LARGE1: variants seen among roughly 807,000 people sequenced by gnomAD.
LARGE1 encodes LARGE xylosyl- and glucuronyltransferase 1.
LARGE1 carries 43 observed loss-of-function variants against 87.6 expected under a neutral mutation model. That is an observed-to-expected ratio of 0.49 (90% CI 0.38 to 0.63). The LOEUF is 0.63. Ranked by LOEUF, LARGE1 falls within the 30% of genes least tolerant of loss-of-function variation. The pLI, the probability that LARGE1 is intolerant of heterozygous loss-of-function variation, is 0.00. For synonymous variants in LARGE1, 434 were observed against 394.6 expected, an observed-to-expected ratio of 1.10 and a Z score of -1.18; for missense variants, 802 against 1,000.2, an observed-to-expected ratio of 0.80 and a Z score of 2.67.
the LARGE1 span, among the ~76,000 whole-genome samples, chr22:33,079,192 A>AT: frequency 1.9e-4 from 28 of 150,348 alleles, no homozygotes; most frequent in Non-Finnish European, 7.4e-5. Context: ...GGTGCCTGAC[A>AT]TAAGTCTCCA....
At chr22:33,137,977 G>A in the LARGE1 span, among the ~76,000 whole-genome samples, 1 of 152,164 alleles carries the variant, frequency 6.6e-6, no homozygotes, top group Admixed American at 6.5e-5. Flanking sequence ...GTCCCCAGTG[G>A]GGCTCCATCT....
intron 6 of LARGE1, among the ~76,000 whole-genome samples, chr22:33,487,713 A>C (rs2069648001): frequency 6.6e-6 from 1 of 152,116 alleles, no homozygotes; most frequent in Non-Finnish European, 1.5e-5. Context: ...TCTAGAAAAT[A>C]AGACTGCTTC....
chr22:33,154,705 T>C, the LARGE1 span, among the ~76,000 whole-genome samples: 1 of 152,184 alleles, frequency 6.6e-6, no homozygotes, highest in African/African-American at 2.4e-5. Flanking sequence ...TTTCTTGGGT[T>C]AAATGGAAAA....
chr22:33,626,684 C>T (rs928139082), intron 3 of LARGE1, among the ~76,000 whole-genome samples: 1 of 152,150 alleles, frequency 6.6e-6, no homozygotes, highest in African/African-American at 2.4e-5. Flanking sequence ...AAAGTATGAA[C>T]CAACAATCAG....
At chr22:33,079,827 G>A in the LARGE1 span, among the ~76,000 whole-genome samples, 3 of 152,062 alleles carry the variant, frequency 2.0e-5, no homozygotes, top group Non-Finnish European at 4.4e-5. Context: ...AAAGAAGAAG[G>A]AAGGAAAAGA....
intron 1 of LARGE1, among the ~76,000 whole-genome samples, chr22:33,868,383 C>T (rs2064171388): frequency 6.6e-6 from 1 of 152,190 alleles, no homozygotes; most frequent in South Asian, 2.1e-4. Flanking sequence ...TTGAATACCA[C>T]ACTTCGAGAC....
Position 33,277,161 on chromosome 22 carries a change from C to G in LARGE1, c.1972G>C (p.Glu658Gln), listed in dbSNP as rs1443560894. 1 of 1,614,138 alleles carries G rather than the reference C, an allele frequency of 6.2e-7. No individual in the cohort carries two copies. The highest frequency in any genetic ancestry group is 1.3e-5 in the African/African-American group (1 of 74,944). Residue 658 changes from glutamate to glutamine, a missense_variant, in exon 14 of 15, where the codon GAG (glutamate) becomes CAG (glutamine). By Grantham distance (29) the Glu-to-Gln change is conservative. This residue lies in a region of LARGE1 where 625 missense variants were observed against 841.9 expected (regional missense o/e 0.74). Transcript: ENST00000397394. ...PYRVEWEADFEPYVVVRRDCP... is the reference protein window; with the variant it reads ...PYRVEWEADFQPYVVVRRDCP... ...TCACGTCTCACAACAACATACGGCT[C>G]AAAATCGGCCTCCCACTCAACCCGG... is the stretch of plus-strand genomic sequence containing the variant.
chr22:33,208,591 A>G (rs1455443189), intron 11 of LARGE1, among the ~76,000 whole-genome samples: 1 of 150,762 alleles, frequency 6.6e-6, no homozygotes, highest in Non-Finnish European at 1.5e-5. Context: ...TTTTTATTAT[A>G]CTTTAAGTTC....
chr22:33,165,112 T>C (rs890310553), exon 12 of LARGE1: 4 of 152,150 alleles, frequency 2.6e-5, no homozygotes, highest in African/African-American at 9.7e-5. Flanking sequence ...AATAAACCCA[T>C]GTAACAAATC....
At chr22:33,537,531 CGCTTAT>C (rs1177451359) in intron 6 of LARGE1, among the ~76,000 whole-genome samples, 1 of 152,142 alleles carries the variant, frequency 6.6e-6, no homozygotes, top group African/African-American at 2.4e-5. Flanking sequence ...TTAACTTAAT[CGCTTAT>C]GTAAAGTCCC....
At chr22:33,907,643 C>A (rs1397018128) in intron 1 of LARGE1, among the ~76,000 whole-genome samples, 10 of 152,056 alleles carry the variant, frequency 6.6e-5, no homozygotes, top group Non-Finnish European at 1.5e-4. Flanking sequence ...TCTCGGCTCA[C>A]TGCAACCTCC....
intron 1 of LARGE1, among the ~76,000 whole-genome samples, chr22:33,912,462 G>A (rs560814258): frequency 2.6e-5 from 4 of 152,150 alleles, no homozygotes; most frequent in South Asian, 2.1e-4. Flanking sequence ...TGGAAAGATC[G>A]GCAAGTCCTT....
chr22:33,728,728 T>C lies in LARGE1; in HGVS notation c.106+32643A>G, dbSNP rs181297606. On this transcript the variant is annotated intron_variant, in intron 2 of 14. Coordinates refer to ENST00000397394, the MANE Select transcript of LARGE1 (RefSeq NM_133642.5). ...ACTAGACTGGCCTGCTGTGTCCCAC[T>C]TCCTCACTAGCTACTAGAGGGCAGG... Among the ~76,000 whole-genome samples, 47 of 152,240 alleles carry C rather than the reference T, an allele frequency of 3.1e-4. No individual in the cohort carries two copies. In the East Asian group the frequency reaches 8.9e-3, roughly 29 times the overall value.
intron 1 of LARGE1, among the ~76,000 whole-genome samples, chr22:33,903,510 A>T (rs1954623709): frequency 6.6e-6 from 1 of 152,122 alleles, no homozygotes; most frequent in Non-Finnish European, 1.5e-5. Context: ...ACATTGTCAG[A>T]GATTCTTCAC....
chr22:33,908,160 A>C (rs1263753520), intron 1 of LARGE1, among the ~76,000 whole-genome samples: 1 of 152,218 alleles, frequency 6.6e-6, no homozygotes, highest in Non-Finnish European at 1.5e-5. Context: ...AAATTCACTG[A>C]AATCTAAAAC....
intron 1 of LARGE1, among the ~76,000 whole-genome samples, chr22:33,822,248 T>C (rs1201830847): frequency 2.0e-5 from 3 of 152,206 alleles, no homozygotes. Context: ...GTTTGAGTTC[T>C]TATAGCTGGT....
intron 9 of LARGE1, among the ~76,000 whole-genome samples, chr22:33,379,419 C>G (rs940929425): frequency 6.6e-6 from 1 of 152,024 alleles, no homozygotes; most frequent in African/African-American, 2.4e-5. Context: ...CTCTCTCCCC[C>G]ACCCCATGAC....
intron 12 of LARGE1, among the ~76,000 whole-genome samples, chr22:33,294,951 A>G (rs1933023913): frequency 6.6e-6 from 1 of 152,230 alleles, no homozygotes; most frequent in South Asian, 2.1e-4. Context: ...CCTTTGGGCA[A>G]ACTTAACTTC....
intron 5 of LARGE1, among the ~76,000 whole-genome samples, chr22:33,568,766 CAAA>C (rs57651807): frequency 3.2e-5 from 3 of 92,774 alleles, no homozygotes; most frequent in African/African-American, 7.1e-5. Context: ...AACTCAGTCT[CAAA>C]AAAAAAAAAA....
Sources: gnomAD v4.1 joint callset for allele counts (sites outside exome capture counted in the v4.1 genomes callset) on GRCh38, gnomAD v4.1.1 for gene constraint, gnomAD v4.1.1 regional missense constraint, MANE v1.5 for transcripts, NCBI Gene and HGNC (gene_info 2026-07-23, HGNC 2026-07-21) for gene names.